Variants in ITGB8 observed in about 807,000 individuals in gnomAD.
ITGB8 encodes the protein integrin beta-8.
A neutral mutation model predicts 89.5 loss-of-function variants in ITGB8; 30 were observed. The ratio of observed to expected loss-of-function variants is 0.34; its 90% CI spans 0.25 to 0.45. The LOEUF is 0.45. ITGB8 is among the 20% of genes least tolerant of loss of function. The pLI is 1.00. For missense variants in ITGB8, 836 were observed against 933.3 expected (o/e 0.90, Z 1.36); for synonymous variants, 335 against 320.4 (o/e 1.05, Z -0.49).
At chr7:20,400,312 T>C (rs915336611) in intron 9 of ITGB8, among the ~76,000 whole-genome samples, 1 of 152,160 alleles carries the variant, frequency 6.6e-6, no homozygotes, top group African/African-American at 2.4e-5. Context: ...ACCTCTTAAT[T>C]ATAGAAACCC....
At chr7:20,389,956 C>G (rs923063703) in intron 6 of ITGB8, among the ~76,000 whole-genome samples, 1 of 151,922 alleles carries the variant, frequency 6.6e-6, no homozygotes, top group Non-Finnish European at 1.5e-5. Context: ...GGTTTCATAT[C>G]ATGTGTAAAG....
intron 7 of ITGB8, among the ~76,000 whole-genome samples, chr7:20,393,619 G>T (rs1472954765): frequency 6.6e-6 from 1 of 152,114 alleles, no homozygotes; most frequent in East Asian, 1.9e-4. Context: ...TGGCCTCATT[G>T]CCCCACTGTT....
chr7:20,386,935 A>G (rs1256538774), intron 6 of ITGB8, among the ~76,000 whole-genome samples: 2 of 152,164 alleles, frequency 1.3e-5, no homozygotes, highest in Non-Finnish European at 2.9e-5. Context: ...TCTTCAGTAA[A>G]TAGGGTATCG....
At chr7:20,397,267 C>T (rs1268516415) in intron 8 of ITGB8, among the ~76,000 whole-genome samples, 4 of 151,792 alleles carry the variant, frequency 2.6e-5, no homozygotes, top group African/African-American at 9.7e-5. Flanking sequence ...CTCTGTCTTG[C>T]CCAGGCTGGA....
chr7:20,406,030 A>G, intron 11 of ITGB8, 32 bp from the exon 12 acceptor site: 1 of 1,266,126 alleles, frequency 7.9e-7, no homozygotes, highest in South Asian at 1.2e-5. Flanking sequence ...TTTTTAAAGA[A>G]TAAATATTTT....
At chr7:20,404,945 C>A in intron 11 of ITGB8, 92 bp downstream of exon 11, 1 of 1,036,086 alleles carries the variant, frequency 9.7e-7, no homozygotes, top group Non-Finnish European at 1.5e-6. Context: ...TTGCCAGATA[C>A]ATTGTGACCA....
At chr7:20,372,582 G>T (rs1386549799) in intron 3 of ITGB8, among the ~76,000 whole-genome samples, 1 of 152,158 alleles carries the variant, frequency 6.6e-6, no homozygotes, top group African/African-American at 2.4e-5. Context: ...AGAGATAGGG[G>T]TTGGAGATAG....
At position 20,348,515 on chromosome 7, in the gene ITGB8, G is replaced by GT. The variant is rs1477887848; in HGVS notation, c.128-15118dup. Among the ~76,000 whole-genome samples the GT allele has an allele frequency of 1.8e-4, 27 of 152,312 alleles. 1 individual carries two copies. Among genetic ancestry groups the GT allele is most frequent in the Admixed American group, 4.6e-4 (7 of 15,292 alleles). Reference sequence around the variant, plus strand: ...CTTTGGTTTTTCATATCTAAGAACTGTTTTATTGTTCCGTTATCCAGTGAC... The same window carrying GT: ...CTTTGGTTTTTCATATCTAAGAACTGTTTTTATTGTTCCGTTATCCAGTGAC... On this transcript the variant is annotated intron_variant, in intron 1 of 13. Coordinates refer to ENST00000222573, the MANE Select transcript of ITGB8 (RefSeq NM_002214.3).
At chr7:20,339,605 T>G (rs1301956069) in intron 1 of ITGB8, among the ~76,000 whole-genome samples, 1 of 152,214 alleles carries the variant, frequency 6.6e-6, no homozygotes, top group Admixed American at 6.5e-5. Flanking sequence ...TTAACTAATA[T>G]TAGTTTAGGA....
At chr7:20,336,550 T>C (rs1562647866) in intron 1 of ITGB8, among the ~76,000 whole-genome samples, 1 of 152,214 alleles carries the variant, frequency 6.6e-6, no homozygotes, top group Non-Finnish European at 1.5e-5. Flanking sequence ...ACTTGCCCAA[T>C]GTCACCTATC....
intron 5 of ITGB8, chr7:20,381,103 C>A: frequency 3.4e-6 from 1 of 293,982 alleles, no homozygotes; most frequent in Non-Finnish European, 6.3e-6. Context: ...TTTTCTCATG[C>A]GCCACACTCC....
intron 1 of ITGB8, among the ~76,000 whole-genome samples, chr7:20,358,646 A>T (rs754065995): frequency 2.0e-5 from 3 of 151,826 alleles, no homozygotes; most frequent in Non-Finnish European, 2.9e-5. Context: ...CAGGTGATCC[A>T]CCCACCTCGG....
chr7:20,342,311 G>T (rs528435775), intron 1 of ITGB8, among the ~76,000 whole-genome samples: 1 of 152,302 alleles, frequency 6.6e-6, no homozygotes, highest in South Asian at 2.1e-4. Flanking sequence ...TACCCTGAAA[G>T]TCCCAAGAAA....
At chr7:20,364,992 G>A (rs920361011) in intron 2 of ITGB8, 1 of 152,136 alleles carries the variant, frequency 6.6e-6, no homozygotes, top group Non-Finnish European at 1.5e-5. Context: ...GGGTAGTTTG[G>A]AAGAGCCTTC....
intron 3 of ITGB8, among the ~76,000 whole-genome samples, chr7:20,367,983 G>A (rs1207973856): frequency 6.6e-6 from 1 of 152,162 alleles, no homozygotes; most frequent in Non-Finnish European, 1.5e-5. Context: ...GTTCACAATT[G>A]TATCCAATCC....
intron 1 of ITGB8, among the ~76,000 whole-genome samples, chr7:20,351,266 T>C (rs1282951352): frequency 6.6e-6 from 1 of 152,230 alleles, no homozygotes; most frequent in Admixed American, 6.5e-5. Context: ...GGAATAATTT[T>C]CTTTTTTATG....
chr7:20,333,369 G>C (rs1433710977), intron 1 of ITGB8, among the ~76,000 whole-genome samples: 7 of 152,224 alleles, frequency 4.6e-5, no homozygotes, highest in Admixed American at 2.0e-4. Context: ...TTAAATGGAA[G>C]AAACATGCAT....
rs1562701353 is a variant in ITGB8 at position 20,402,041 on chromosome 7, C to CAAAATT, written c.1605_1610dup (p.Ile536_Lys537dup). 1 of 1,614,084 alleles carries CAAAATT rather than the reference C, an allele frequency of 6.2e-7. No individual in the cohort carries two copies. On this transcript the variant is annotated inframe_insertion, in exon 10 of 14. Coordinates refer to ENST00000222573, the MANE Select transcript of ITGB8 (RefSeq NM_002214.3). Reference sequence around the variant, plus strand: ...GTGTTTGTGGGAAATGTTCATGTCACAAAATTAAGCTTGGAAAAGTGTATG... The same window carrying CAAAATT: ...GTGTTTGTGGGAAATGTTCATGTCACAAAATTAAAATTAAGCTTGGAAAAGTGTATG...
At chr7:20,393,842 T>A (rs1786962651) in intron 7 of ITGB8, among the ~76,000 whole-genome samples, 1 of 152,196 alleles carries the variant, frequency 6.6e-6, no homozygotes, top group Non-Finnish European at 1.5e-5. Flanking sequence ...CAGAAAACAG[T>A]CCTTGGCAAC....
Sources: allele counts gnomAD v4.1 joint callset (sites outside exome capture counted in the v4.1 genomes callset), GRCh38; gene constraint gnomAD v4.1.1; transcripts MANE v1.5; gene names NCBI Gene and HGNC (gene_info 2026-07-23, HGNC 2026-07-21).